Variants in ZUP1 observed in about 807,000 individuals in gnomAD.
The protein encoded by ZUP1 is zinc finger-containing ubiquitin peptidase 1.
ZUP1 carries 55 observed loss-of-function variants against 68.1 expected under a neutral mutation model. The ratio of observed to expected loss-of-function variants is 0.81; its 90% CI spans 0.65 to 1.01. The LOEUF is 1.01. Ranked by LOEUF, ZUP1 falls within the 50% of genes least tolerant of loss-of-function variation. ZUP1 has a pLI of 0.00. For missense variants in ZUP1, 684 were observed against 674.9 expected (o/e 1.01, Z -0.15); for synonymous variants, 223 against 221.5 (o/e 1.01, Z -0.06).
At chr6:116,650,973 C>G (rs1256961274) in intron 7 of ZUP1, among the ~76,000 whole-genome samples, 1 of 151,716 alleles carries the variant, frequency 6.6e-6, no homozygotes, top group African/African-American at 2.4e-5. Flanking sequence ...AGCTGTAGAT[C>G]TAGAAGGCAA....
At chr6:116,639,060 T>C (rs1776000609) in intron 9 of ZUP1, among the ~76,000 whole-genome samples, 1 of 152,234 alleles carries the variant, frequency 6.6e-6, no homozygotes, top group Non-Finnish European at 1.5e-5. Context: ...CGGAGGGTCC[T>C]ACGCCCACGG....
At chr6:116,656,057 G>C (rs1776651758) in intron 5 of ZUP1, among the ~76,000 whole-genome samples, 1 of 149,212 alleles carries the variant, frequency 6.7e-6, no homozygotes, top group African/African-American at 2.5e-5. Context: ...AACTTCCCCT[G>C]TTCCTTTTCA....
intron 9 of ZUP1, among the ~76,000 whole-genome samples, chr6:116,644,816 G>T (rs926730321): frequency 1.3e-5 from 2 of 151,012 alleles, no homozygotes; most frequent in Non-Finnish European, 2.9e-5. Flanking sequence ...TTGTGCACAT[G>T]TACCCTAAAA....
intron 9 of ZUP1, among the ~76,000 whole-genome samples, chr6:116,642,615 G>A (rs1184369307): frequency 6.6e-6 from 1 of 152,158 alleles, no homozygotes; most frequent in Non-Finnish European, 1.5e-5. Flanking sequence ...ATGCAGAAAA[G>A]GCCTTTGCCA....
At chr6:116,640,116 A>G (rs1467931168) in intron 9 of ZUP1, among the ~76,000 whole-genome samples, 1 of 152,022 alleles carries the variant, frequency 6.6e-6, no homozygotes, top group Non-Finnish European at 1.5e-5. Flanking sequence ...AATGAAATGA[A>G]GCGAGAAGGG....
intron 2 of ZUP1, 78 bp from the exon 3 acceptor site, chr6:116,660,924 G>C: frequency 3.8e-6 from 3 of 785,884 alleles, no homozygotes; most frequent in Non-Finnish European, 4.0e-6. Flanking sequence ...TTTTGAGACA[G>C]GGTCTCACTC....
intron 7 of ZUP1, among the ~76,000 whole-genome samples, chr6:116,650,830 T>C (rs964565252): frequency 4.6e-5 from 7 of 152,102 alleles, no homozygotes; most frequent in African/African-American, 9.7e-5. Context: ...AATTTCATAA[T>C]ATCGTGAAAT....
intron 9 of ZUP1, among the ~76,000 whole-genome samples, chr6:116,642,069 T>C (rs370237401): frequency 1.3e-5 from 2 of 151,934 alleles, no homozygotes; most frequent in African/African-American, 2.4e-5. Context: ...TCTACGCAAA[T>C]AAACTAGAAA....
chr6:116,650,652 T>C (rs1583369717), intron 7 of ZUP1, among the ~76,000 whole-genome samples: 1 of 152,232 alleles, frequency 6.6e-6, no homozygotes, highest in East Asian at 1.9e-4. Context: ...TTCATTCAGC[T>C]ATTAAGTAGG....
chr6:116,647,676 C>T, intron 7 of ZUP1, 66 bp from the exon 8 acceptor site: 2 of 1,233,658 alleles, frequency 1.6e-6, no homozygotes, highest in Non-Finnish European at 2.2e-6. Flanking sequence ...ATGGAGTTAT[C>T]AAATACAACA....
At chr6:116,662,681 G>A (rs1776880259) in intron 2 of ZUP1, among the ~76,000 whole-genome samples, 1 of 152,072 alleles carries the variant, frequency 6.6e-6, no homozygotes, top group African/African-American at 2.4e-5. Flanking sequence ...TCACCTTCTT[G>A]ACTTAACTAA....
At chr6:116,654,572 T>C (rs1427694858) in intron 5 of ZUP1, among the ~76,000 whole-genome samples, 1 of 151,978 alleles carries the variant, frequency 6.6e-6, no homozygotes, top group Non-Finnish European at 1.5e-5. Context: ...ATTGAGAACT[T>C]TGATTACATT....
chr6:116,651,187 T>A (rs903626096), intron 7 of ZUP1, among the ~76,000 whole-genome samples: 9 of 152,162 alleles, frequency 5.9e-5, no homozygotes, highest in African/African-American at 2.2e-4. Flanking sequence ...CAACAAGCAA[T>A]ATTTACACAA....
At chr6:116,660,535 T>C (rs1426409037) in intron 3 of ZUP1, among the ~76,000 whole-genome samples, 1 of 152,242 alleles carries the variant, frequency 6.6e-6, no homozygotes, top group Non-Finnish European at 1.5e-5. Flanking sequence ...AGTTTTCTAG[T>C]TCAACAATTT....
At chr6:116,639,580 T>C (rs1776022417) in intron 9 of ZUP1, among the ~76,000 whole-genome samples, 1 of 152,142 alleles carries the variant, frequency 6.6e-6, no homozygotes, top group Non-Finnish European at 1.5e-5. Flanking sequence ...AGGCAAACGG[T>C]CTGGAGTGGA....
chr6:116,658,708 G>A lies in ZUP1; in HGVS notation c.792+95C>T, dbSNP rs1386154580. The A allele has an allele frequency of 4.0e-6, 5 of 1,251,136 alleles. No individual in the cohort carries two copies. In the South Asian group the frequency reaches 8.1e-5, roughly 20 times the overall value. The allele number at this position is 1,251,136 out of a possible 1,614,324, so 77.5% of individuals were successfully genotyped here. On this transcript the variant is annotated intron_variant, in intron 4 of 9. Coordinates refer to ENST00000368576, the MANE Select transcript of ZUP1 (RefSeq NM_145062.3). ...TTACAAACATGTATAAATTTTTTTT[G>A]AATAATAACAAGGACAAAAATAATA...
chr6:116,661,007 T>C (rs1016895732), intron 2 of ZUP1, among the ~76,000 whole-genome samples, 161 bp from the exon 3 acceptor site: 14 of 151,752 alleles, frequency 9.2e-5, no homozygotes, highest in African/African-American at 3.1e-4. Context: ...GCCTCCCAAG[T>C]AGATGGGGCT....
chr6:116,639,311 T>C (rs1435192295), intron 9 of ZUP1, among the ~76,000 whole-genome samples: 2 of 152,236 alleles, frequency 1.3e-5, no homozygotes, highest in Non-Finnish European at 2.9e-5. Flanking sequence ...TAAATGTCCC[T>C]GTCTGACAGC....
rs114258408 is a variant in ZUP1 at position 116,665,073 on chromosome 6, G to A, written c.559+1561C>T. Among the ~76,000 whole-genome samples the A allele has an allele frequency of 6.1e-3, 933 of 152,074 alleles. 6 individuals carry two copies. Among genetic ancestry groups the A allele is most frequent in the African/African-American group, 0.022 (905 of 41,486 alleles). ...AATTCAAGGATAAGCAACATCTTATGGAATACAGCTGAAGGATTAGTATTG... is the reference window on the plus strand; with the variant it reads ...AATTCAAGGATAAGCAACATCTTATAGAATACAGCTGAAGGATTAGTATTG... On this transcript the variant is annotated intron_variant, in intron 2 of 9. Transcript: ENST00000368576.
Sources: gnomAD v4.1 joint callset for allele counts (sites outside exome capture counted in the v4.1 genomes callset) on GRCh38, gnomAD v4.1.1 for gene constraint, MANE v1.5 for transcripts, NCBI Gene and HGNC (gene_info 2026-07-23, HGNC 2026-07-21) for gene names.